ADAMTS16: variants seen among roughly 807,000 people sequenced by gnomAD.
ADAMTS16 encodes ADAM metallopeptidase with thrombospondin type 1 motif 16.
Under a neutral mutation model 145.8 loss-of-function variants are expected in ADAMTS16, and 94 were observed. That is an observed-to-expected ratio of 0.64 (90% CI 0.55 to 0.77). The LOEUF (loss-of-function observed/expected upper bound fraction) is 0.77. ADAMTS16 is among the 30% of genes least tolerant of loss of function. The pLI is 0.00. For synonymous variants in ADAMTS16, 659 were observed against 604.3 expected (o/e 1.09, Z -1.33); for missense variants, 1,585 against 1,591.5 (o/e 1.00, Z 0.07).
Position 5,306,523 on chromosome 5 carries a change from G to A in ADAMTS16, c.3206G>A (p.Arg1069Lys). Residue 1069 changes from arginine to lysine, a missense_variant, in exon 21 of 23, where the codon AGA (arginine) becomes AAA (lysine). Coordinates refer to ENST00000274181, the MANE Select transcript of ADAMTS16 (RefSeq NM_139056.4). ...TTTTAGTGCTCTGTGACATGTGAAA[G>A]AGGAACACAGAAAAGATTCTTAAAA... ...AWSQCSVTCE[R>K]GTQKRFLKCA... 6.2e-7 allele frequency: 1 copy of A among 1,613,630 alleles called. No individual in the cohort carries two copies. Among genetic ancestry groups the A allele is most frequent in the Non-Finnish European group, 8.5e-7 (1 of 1,179,560 alleles).
chr5:5,156,572 A>G (rs983344647), intron 3 of ADAMTS16, among the ~76,000 whole-genome samples: 3 of 152,190 alleles, frequency 2.0e-5, no homozygotes, highest in Non-Finnish European at 4.4e-5. Flanking sequence ...GTCAGACACA[A>G]TGTGTCCGGA....
chr5:5,229,350 G>A (rs892208027), intron 11 of ADAMTS16, among the ~76,000 whole-genome samples: 41 of 151,138 alleles, frequency 2.7e-4, no homozygotes, highest in Non-Finnish European at 4.9e-4. Context: ...TAACCAATTG[G>A]GATAAATAGA....
chr5:5,275,264 A>AT (rs1007418382), intron 18 of ADAMTS16, among the ~76,000 whole-genome samples: 6 of 152,032 alleles, frequency 3.9e-5, no homozygotes, highest in East Asian at 1.9e-4. Flanking sequence ...TTCAGGGTAC[A>AT]TTTTTTTCTG....
At chr5:5,181,603 G>A (rs1017691861) in intron 3 of ADAMTS16, among the ~76,000 whole-genome samples, 4 of 151,980 alleles carry the variant, frequency 2.6e-5, no homozygotes, top group East Asian at 1.9e-4. Flanking sequence ...TTTCAAATTC[G>A]TTTTAACAGA....
At chr5:5,243,523 TA>T (rs1221513499) in intron 17 of ADAMTS16, among the ~76,000 whole-genome samples, 1 of 152,238 alleles carries the variant, frequency 6.6e-6, no homozygotes, top group Non-Finnish European at 1.5e-5. Context: ...CTTAAAACCA[TA>T]ACCATGTTTT....
intron 2 of ADAMTS16, among the ~76,000 whole-genome samples, chr5:5,141,813 C>T (rs1734175399): frequency 6.6e-6 from 1 of 151,986 alleles, no homozygotes; most frequent in Non-Finnish European, 1.5e-5. Flanking sequence ...TATAAGGTGA[C>T]CGGTGTCAGA....
intron 9 of ADAMTS16, 43 bp from the exon 10 acceptor site, chr5:5,209,050 C>A: frequency 6.3e-7 from 1 of 1,589,074 alleles, no homozygotes; most frequent in Non-Finnish European, 8.6e-7. Context: ...CCTTTGGTTA[C>A]TCTACGGGCA....
At chr5:5,200,596 A>C (rs1735928190) in intron 9 of ADAMTS16, among the ~76,000 whole-genome samples, 1 of 152,236 alleles carries the variant, frequency 6.6e-6, no homozygotes. Context: ...GGAAGTGAAT[A>C]GAAAGATCGT....
chr5:5,178,112 G>A (rs1021123640), intron 3 of ADAMTS16, among the ~76,000 whole-genome samples: 9 of 152,124 alleles, frequency 5.9e-5, no homozygotes, highest in East Asian at 1.9e-4. Flanking sequence ...TCCTACTGCC[G>A]AGCTTCAATA....
At chr5:5,272,625 A>G (rs937445006) in intron 18 of ADAMTS16, among the ~76,000 whole-genome samples, 2 of 151,984 alleles carry the variant, frequency 1.3e-5, no homozygotes, top group Non-Finnish European at 1.5e-5. Flanking sequence ...TCGGCCTCCC[A>G]AAGTGCTGGG....
intron 2 of ADAMTS16, among the ~76,000 whole-genome samples, chr5:5,144,532 T>C (rs1228568817): frequency 6.6e-6 from 1 of 152,246 alleles, no homozygotes; most frequent in East Asian, 1.9e-4. Context: ...TTACAAATAA[T>C]ACTTCCATGA....
At chr5:5,164,528 C>T (rs923946159) in intron 3 of ADAMTS16, among the ~76,000 whole-genome samples, 1 of 152,162 alleles carries the variant, frequency 6.6e-6, no homozygotes, top group Non-Finnish European at 1.5e-5. Context: ...TCCAAGGGCA[C>T]TCTCTCTGAA....
intron 22 of ADAMTS16, 144 bp from the exon 23 acceptor site, chr5:5,318,879 C>T (rs1734164858): frequency 3.3e-6 from 2 of 614,380 alleles, no homozygotes; most frequent in Admixed American, 2.8e-5. Context: ...TTCCACGGGA[C>T]CCCCATCAGA....
chr5:5,185,101 C>A (rs1455862669), intron 4 of ADAMTS16, among the ~76,000 whole-genome samples: 1 of 152,142 alleles, frequency 6.6e-6, no homozygotes, highest in Admixed American at 6.5e-5. Context: ...GCGGGCATTG[C>A]ATAAACATTA....
chr5:5,226,465 C>T (rs114033835), intron 11 of ADAMTS16, among the ~76,000 whole-genome samples: 1,804 of 152,250 alleles, frequency 0.012, 36 homozygotes, highest in African/African-American at 0.04. Context: ...AGGTCCCTCC[C>T]GTGACACATG....
chr5:5,239,124 T>C, intron 14 of ADAMTS16, 27 bp from the exon 15 acceptor site: 1 of 1,469,510 alleles, frequency 6.8e-7, no homozygotes. Flanking sequence ...CTTTCATGAA[T>C]GACATGTGAC....
At position 5,253,137 on chromosome 5, in the gene ADAMTS16, G is replaced by A. The variant is rs548191001; in HGVS notation, c.2663-9520G>A. On this transcript the variant is annotated intron_variant, in intron 17 of 22. Transcript: ENST00000274181. ...ATGCAAAATATCTAAGACAGGTCTTGGTCAATTAGAAAGTTTATTTTGCCA... is the reference window on the plus strand; with the variant it reads ...ATGCAAAATATCTAAGACAGGTCTTAGTCAATTAGAAAGTTTATTTTGCCA... Among the ~76,000 whole-genome samples, 182 of 152,194 alleles carry A rather than the reference G, an allele frequency of 1.2e-3. 4 individuals are homozygous for A. The South Asian group carries it at 0.022, about 19-fold the overall frequency.
intron 18 of ADAMTS16, among the ~76,000 whole-genome samples, chr5:5,263,143 C>G (rs375742033): frequency 3.0e-4 from 45 of 152,308 alleles, no homozygotes; most frequent in African/African-American, 1.0e-3. Flanking sequence ...ATGAAACTTG[C>G]TGGAAGAACC....
chr5:5,269,518 G>A lies in ADAMTS16; in HGVS notation c.2789+6735G>A, dbSNP rs1560979153. ...TCCCTGCCCCACACTCTCCACCTGG[G>A]ACCTCAGACTAAAGAGAAGGAAGCA... On this transcript the variant is annotated intron_variant, in intron 18 of 22. Transcript: ENST00000274181. The surrounding 1 kb of genome is among the most constrained non-coding windows in gnomAD (Gnocchi z 4.3). Among the ~76,000 whole-genome samples, 1 of 151,992 alleles carries A rather than the reference G, an allele frequency of 6.6e-6. No homozygotes were observed. Among genetic ancestry groups the A allele is most frequent in the African/African-American group, 2.4e-5 (1 of 41,374 alleles).
Sources: gnomAD v4.1 joint callset for allele counts (sites outside exome capture counted in the v4.1 genomes callset) on GRCh38, gnomAD v4.1.1 for gene constraint, Gnocchi (gnomAD v3.1) non-coding constraint, MANE v1.5 for transcripts, NCBI Gene and HGNC (gene_info 2026-07-23, HGNC 2026-07-21) for gene names.